The following PARL variants were observed in gnomAD, a reference collection of about 807,000 sequenced individuals.
PARL encodes the protein presenilin-associated rhomboid-like protein, mitochondrial.
A neutral mutation model predicts 51.6 loss-of-function variants in PARL; 44 were observed. That is an observed-to-expected ratio of 0.85 (90% CI 0.67 to 1.10). The LOEUF is 1.10. Ranked by LOEUF, PARL falls within the 50% of genes least tolerant of loss-of-function variation. The pLI, the probability that PARL is intolerant of heterozygous loss-of-function variation, is 0.00. For missense variants in PARL, 441 were observed against 469.5 expected (o/e 0.94, Z 0.56); for synonymous variants, 172 against 164.0 (o/e 1.05, Z -0.37).
At position 183,840,636 on chromosome 3, in the gene PARL, A is replaced by G; in HGVS notation, c.762T>C (p.Val254=). The G allele has an allele frequency of 6.6e-7, 1 of 1,510,622 alleles. No individual in the cohort carries two copies. Among genetic ancestry groups the G allele is most frequent in the Non-Finnish European group, 9.2e-7 (1 of 1,091,796 alleles). 93.6% of individuals were successfully genotyped at this position (1,510,622 alleles called of 1,614,324 possible). ...QFMAVYLSAG[V]ISNFVSYVGK... is the part of the protein sequence containing the mutation. ...CCACGTAACTGACAAAATTGGAAATAACACCTGAAAAACAAGTCACATTAC... is the reference window on the plus strand; with the variant it reads ...CCACGTAACTGACAAAATTGGAAATGACACCTGAAAAACAAGTCACATTAC... Residue 254 remains valine (V), a synonymous_variant, in exon 7 of 10, where the codon GTT becomes GTC. Transcript: ENST00000317096.
intron 7 of PARL, among the ~76,000 whole-genome samples, chr3:183,834,240 A>C (rs1040335547): frequency 6.6e-6 from 1 of 152,212 alleles, no homozygotes; most frequent in Non-Finnish European, 1.5e-5. Context: ...ATTCATGTGA[A>C]ATCTTTATTC....
intron 1 of PARL, among the ~76,000 whole-genome samples, chr3:183,873,487 C>T (rs1405398862): frequency 6.6e-6 from 1 of 151,548 alleles, no homozygotes; most frequent in Non-Finnish European, 1.5e-5. Flanking sequence ...TGCAGTGAGG[C>T]GAGATCACGC....
chr3:183,863,791 T>C (rs1732121343), intron 3 of PARL, among the ~76,000 whole-genome samples: 3 of 152,166 alleles, frequency 2.0e-5, no homozygotes, highest in African/African-American at 4.8e-5. Context: ...ACTTCGTGTA[T>C]AGTGGCACGA....
rs2108681477 is a variant in PARL at position 183,867,964 on chromosome 3, G to A, written c.222C>T (p.Tyr74=). Residue 74 remains tyrosine, a synonymous_variant, in exon 2 of 10, where the codon TAC becomes TAT. Transcript: ENST00000317096. ...RSDPGTSGEA[Y]KRSALIPPVE... The stretch of plus-strand genomic sequence containing the variant: ...CAGGAGGAATCAAAGCACTTCTCTT[G>A]TATGCTTCACCACTTGTCCCTGGGT... The A allele has an allele frequency of 1.9e-6, 3 of 1,613,680 alleles. No individual in the cohort carries two copies. Among genetic ancestry groups the A allele is most frequent in the Non-Finnish European group, 2.5e-6 (3 of 1,179,576 alleles).
chr3:183,857,313 T>G (rs1731282713), intron 4 of PARL, among the ~76,000 whole-genome samples: 2 of 152,238 alleles, frequency 1.3e-5, no homozygotes, highest in Non-Finnish European at 2.9e-5. Flanking sequence ...ATCCAGGTGC[T>G]GGTTACATGG....
Position 183,884,744 on chromosome 3 carries a change from G to C in PARL, c.103C>G (p.Pro35Ala), listed in dbSNP as rs747526735. Reference sequence around the variant, plus strand: ...TACCTGCGTCCGAGGAGCTGCGGCGGGGTTAGGACCGCAGTGAGCTCCTCG... The same window carrying C: ...TACCTGCGTCCGAGGAGCTGCGGCGCGGTTAGGACCGCAGTGAGCTCCTCG... The part of the protein sequence containing the change: ...SCEELTAVLT[P>A]PQLLGRRFNF... The change falls in exon 1 of 10, where the codon CCG (proline) becomes GCG (alanine). Residue 35 changes from proline (P) to alanine (A), a missense_variant. Coordinates refer to ENST00000317096, the MANE Select transcript of PARL (RefSeq NM_018622.7). 7.0e-6 allele frequency: 11 copies of C among 1,582,456 alleles called. No individual in the cohort carries two copies. The African/African-American group carries it at 1.3e-4, about 19-fold the overall frequency.
chr3:183,831,586 A>T (rs540060488), intron 9 of PARL, among the ~76,000 whole-genome samples: 3 of 152,342 alleles, frequency 2.0e-5, no homozygotes, highest in Non-Finnish European at 1.5e-5. Flanking sequence ...TCCTTAGCTT[A>T]GGCACACAGC....
intron 4 of PARL, among the ~76,000 whole-genome samples, chr3:183,847,328 G>T (rs1226232283): frequency 6.6e-6 from 1 of 152,122 alleles, no homozygotes; most frequent in Non-Finnish European, 1.5e-5. Flanking sequence ...GGAGGTCCAG[G>T]CAGGAGGATC....
rs771968647 is a variant in PARL, at chr3:183,833,577, T to C, written c.943A>G (p.Ile315Val). ...TFTAGNALKAIIAMDTAGMIL... is the reference protein window; with the variant it reads ...TFTAGNALKAVIAMDTAGMIL... ...ATTCCTGCTGTATCCATGGCGATAA[T>C]GGCTTTCAGGGCCTGAAAGGCAGCA... The change falls in exon 9 of 10, where the codon ATT becomes GTT. Residue 315 changes from isoleucine (I) to valine (V), a missense_variant. Transcript: ENST00000317096. 1.9e-6 allele frequency: 3 copies of C among 1,612,934 alleles called. No homozygotes were observed. Among genetic ancestry groups the C allele is most frequent in the East Asian group, 4.5e-5 (2 of 44,890 alleles).
intron 9 of PARL, among the ~76,000 whole-genome samples, chr3:183,832,695 G>A (rs182375421): frequency 2.6e-5 from 4 of 152,286 alleles, no homozygotes; most frequent in East Asian, 1.9e-4. Flanking sequence ...AGTCCTGACC[G>A]TGTTTCCGTG....
chr3:183,847,709 T>C (rs1238266173), intron 4 of PARL, among the ~76,000 whole-genome samples: 1 of 152,198 alleles, frequency 6.6e-6, no homozygotes, highest in Non-Finnish European at 1.5e-5. Context: ...GTCTGAATCC[T>C]AAGTATGTCA....
chr3:183,834,988 G>A (rs1460858920), intron 7 of PARL, among the ~76,000 whole-genome samples: 1 of 151,800 alleles, frequency 6.6e-6, no homozygotes, highest in Non-Finnish European at 1.5e-5. Flanking sequence ...GAACCCGGGA[G>A]GCAGAGGTTG....
At chr3:183,861,191 T>C in intron 4 of PARL, 2 of 769,254 alleles carry the variant, frequency 2.6e-6, no homozygotes, top group Non-Finnish European at 3.2e-6. Context: ...TAAAGAGCTA[T>C]CTTTGAAGTA....
intron 3 of PARL, among the ~76,000 whole-genome samples, chr3:183,866,161 G>A (rs1267534563): frequency 1.3e-5 from 2 of 152,136 alleles, no homozygotes; most frequent in Non-Finnish European, 2.9e-5. Context: ...CGCTGTGCCC[G>A]GCCAACGTTA....
chr3:183,860,863 T>A (rs1731742873), intron 4 of PARL, among the ~76,000 whole-genome samples: 1 of 148,608 alleles, frequency 6.7e-6, no homozygotes, highest in Admixed American at 6.9e-5. Context: ...TCGTCCAGGC[T>A]GGAGTGCAGT....
chr3:183,829,630 T>C lies in PARL; in HGVS notation c.1108A>G (p.Asn370Asp), dbSNP rs746320357. 1.9e-6 allele frequency: 3 copies of C among 1,614,080 alleles called. No individual in the cohort carries two copies. The highest frequency in any genetic ancestry group is 2.5e-6 in the Non-Finnish European group (3 of 1,180,026). ...LVKIWHEIRT[N>D]GPKKGGGSK is the part of the protein sequence containing the mutation. Reference sequence around the variant, plus strand: ...GAGCCACCTCCTTTTTTGGGGCCATTAGTCCTTATTTCATGCCAGATTTTC... The same window carrying C: ...GAGCCACCTCCTTTTTTGGGGCCATCAGTCCTTATTTCATGCCAGATTTTC... The change falls in exon 10 of 10, where the codon AAT becomes GAT. Residue 370 changes from asparagine to aspartate, a missense_variant. Physicochemically the swap from Asn to Asp is conservative, Grantham distance 23. Transcript: ENST00000317096.
At chr3:183,868,186 C>G in intron 1 of PARL, 126 bp from the exon 2 acceptor site, 1 of 724,472 alleles carries the variant, frequency 1.4e-6, no homozygotes, top group Non-Finnish European at 2.4e-6. Context: ...CAAAAACAGC[C>G]AAGACTCCTA....
chr3:183,882,604 A>G (rs1302701466), intron 1 of PARL, among the ~76,000 whole-genome samples: 1 of 152,194 alleles, frequency 6.6e-6, no homozygotes, highest in Admixed American at 6.5e-5. Context: ...TGGTAACAGT[A>G]AAGTTTACAA....
At chr3:183,851,397 C>T (rs2108634973) in intron 4 of PARL, among the ~76,000 whole-genome samples, 1 of 152,154 alleles carries the variant, frequency 6.6e-6, no homozygotes, top group Middle Eastern at 3.4e-3. Context: ...ATTTGTGAAT[C>T]ATATCTCTTA....
Sources: gnomAD v4.1 joint callset for allele counts (sites outside exome capture counted in the v4.1 genomes callset) on GRCh38, gnomAD v4.1.1 for gene constraint, MANE v1.5 for transcripts, NCBI Gene and HGNC (gene_info 2026-07-23, HGNC 2026-07-21) for gene names.